The following UGT2A1 variants were observed in gnomAD, a reference collection of about 807,000 sequenced individuals.
UGT2A1 encodes UDP-glucuronosyltransferase 2A1.
Under a neutral mutation model 45.4 loss-of-function variants are expected in UGT2A1, and 61 were observed. That is an observed-to-expected ratio of 1.34 (90% CI 1.09 to 1.66). The LOEUF is 1.66. UGT2A1 is among the 40% of genes most tolerant of loss of function. The pLI is 0.00. For missense variants in UGT2A1, 649 were observed against 574.3 expected (o/e 1.13, Z -1.33); for synonymous variants, 229 against 196.2 (o/e 1.17, Z -1.40).
At chr4:69,626,947 A>G (rs1721093799) in intron 3 of UGT2A1, among the ~76,000 whole-genome samples, 1 of 151,794 alleles carries the variant, frequency 6.6e-6, no homozygotes, top group Non-Finnish European at 1.5e-5. Flanking sequence ...TAGATGGTTT[A>G]GACTCGACTT....
At chr4:69,601,093 G>A (rs1408143957) in intron 3 of UGT2A1, among the ~76,000 whole-genome samples, 2 of 152,156 alleles carry the variant, frequency 1.3e-5, no homozygotes, top group East Asian at 3.9e-4. Flanking sequence ...CTGCAAATGT[G>A]AGAACTGCCT....
rs749075207 is a variant in UGT2A1 at position 69,647,502 on chromosome 4, T to C, written c.143A>G (p.His48Arg). Residue 48 changes from histidine to arginine, a missense_variant, in exon 2 of 7, where the codon CAT becomes CGT. Transcript: ENST00000286604. ...IIIDELIKKE[H>R]NVTVLVASGA... ...AGAGGCAACTAGGACAGTCACATTA[T>C]GCTCCTTTTTAATGAGCTCATCTAT... is the stretch of plus-strand genomic sequence containing the variant. 43 of 1,613,074 alleles carry C rather than the reference T, an allele frequency of 2.7e-5. No individual in the cohort carries two copies. The highest frequency in any genetic ancestry group is 3.6e-5 in the Non-Finnish European group (42 of 1,179,348).
intron 3 of UGT2A1, among the ~76,000 whole-genome samples, chr4:69,621,664 G>A (rs1720766009): frequency 6.6e-6 from 1 of 151,766 alleles, no homozygotes; most frequent in Non-Finnish European, 1.5e-5. Flanking sequence ...TACACCGAAA[G>A]GAATATAAAT....
At chr4:69,645,822 T>C (rs891288878) in intron 2 of UGT2A1, among the ~76,000 whole-genome samples, 4 of 151,888 alleles carry the variant, frequency 2.6e-5, no homozygotes, top group African/African-American at 7.2e-5. Flanking sequence ...TCTTCCTCCA[T>C]GTCTCCCTAC....
chr4:69,635,456 G>A (rs574380906), intron 3 of UGT2A1, among the ~76,000 whole-genome samples: 46 of 152,258 alleles, frequency 3.0e-4, no homozygotes, highest in Non-Finnish European at 7.3e-5. Flanking sequence ...TTCTATTGCT[G>A]CAGCAAAGGC....
At position 69,616,963 on chromosome 4, in the gene UGT2A1, T is replaced by C. The variant is rs1720443740; in HGVS notation, c.848-17569A>G. ...TATCTGCATAAGTTTCTGCCCATGC[T>C]TTTTCCACTACTGTTTTGTAGTTAA... On this transcript the variant is annotated intron_variant, in intron 3 of 6. Coordinates refer to ENST00000286604, the MANE Select transcript of UGT2A1 (RefSeq NM_001252275.3). 2.6e-5 allele frequency among the ~76,000 whole-genome samples: 4 copies of C among 151,702 alleles called. No individual in the cohort carries two copies. The South Asian group carries it at 8.3e-4, about 31-fold the overall frequency.
chr4:69,643,948 G>A (rs945696091), intron 2 of UGT2A1, among the ~76,000 whole-genome samples: 2 of 151,498 alleles, frequency 1.3e-5, no homozygotes, highest in African/African-American at 4.8e-5. Flanking sequence ...ACAAAAATAA[G>A]TCACTCTGTC....
intron 3 of UGT2A1, among the ~76,000 whole-genome samples, chr4:69,630,074 A>AT (rs1161696628): frequency 6.6e-6 from 1 of 152,044 alleles, no homozygotes; most frequent in Non-Finnish European, 1.5e-5. Flanking sequence ...AAATTACACC[A>AT]TTATAGTGTA....
intron 3 of UGT2A1, among the ~76,000 whole-genome samples, chr4:69,600,448 A>G (rs1291472195): frequency 1.3e-5 from 2 of 152,286 alleles, no homozygotes; most frequent in East Asian, 3.9e-4. Flanking sequence ...GAGTGGGGAC[A>G]AACTCCCTTT....
intron 3 of UGT2A1, among the ~76,000 whole-genome samples, chr4:69,615,358 T>A (rs993519245): frequency 1.3e-5 from 2 of 151,858 alleles, no homozygotes; most frequent in African/African-American, 2.4e-5. Flanking sequence ...AAAGCAAAAA[T>A]GGACAGATGG....
rs1222199630 is a variant in UGT2A1, at chr4:69,605,911, T to G, written c.848-6517A>C. 1.5e-5 allele frequency among the ~76,000 whole-genome samples: 2 copies of G among 136,824 alleles called. 1 individual carries two copies. Among genetic ancestry groups the G allele is most frequent in the Non-Finnish European group, 3.1e-5 (2 of 64,316 alleles). 89.8% of individuals were successfully genotyped at this position (136,824 alleles called of 152,430 possible). ...CTCTGAATAGACCAATAACAGGCTC[T>G]GAAATTGAGGCAATAATTAATAGCT... On this transcript the variant is annotated intron_variant, in intron 3 of 6. Coordinates refer to ENST00000286604, the MANE Select transcript of UGT2A1 (RefSeq NM_001252275.3).
intron 3 of UGT2A1, among the ~76,000 whole-genome samples, chr4:69,610,100 A>G (rs1361611926): frequency 6.6e-6 from 1 of 152,160 alleles, no homozygotes; most frequent in Non-Finnish European, 1.5e-5. Flanking sequence ...CTGGCAGCAA[A>G]ACTTTACACT....
At chr4:69,595,458 T>A (rs1437793999) in intron 4 of UGT2A1, among the ~76,000 whole-genome samples, 6 of 152,254 alleles carry the variant, frequency 3.9e-5, no homozygotes, top group Admixed American at 3.9e-4. Context: ...TATAGTATTA[T>A]TGTTTTGATA....
intron 6 of UGT2A1, among the ~76,000 whole-genome samples, chr4:69,590,774 G>A (rs955134707): frequency 6.6e-6 from 1 of 152,054 alleles, no homozygotes; most frequent in South Asian, 2.1e-4. Flanking sequence ...AAAATAAGAA[G>A]AAGAAAGCAT....
chr4:69,605,221 C>T (rs1247072240), intron 3 of UGT2A1, among the ~76,000 whole-genome samples: 1 of 137,094 alleles, frequency 7.3e-6, no homozygotes, highest in Admixed American at 7.2e-5. Context: ...AACAAACTGT[C>T]TCTCAGACCA....
At chr4:69,598,205 T>C (rs1400963511) in intron 4 of UGT2A1, among the ~76,000 whole-genome samples, 2 of 152,180 alleles carry the variant, frequency 1.3e-5, no homozygotes, top group Non-Finnish European at 2.9e-5. Context: ...TTTAGAATCC[T>C]GAAATAAAAT....
chr4:69,625,058 G>T (rs997020931), intron 3 of UGT2A1, among the ~76,000 whole-genome samples: 2 of 151,018 alleles, frequency 1.3e-5, no homozygotes, highest in African/African-American at 2.4e-5. Flanking sequence ...TAAATTTGCT[G>T]GGAATATATG....
Position 69,589,573 on chromosome 4 carries a change from C to A in UGT2A1, c.1383G>T (p.Trp461Cys), listed in dbSNP as rs776556764. Residue 461 changes from tryptophan (W) to cysteine (C), a missense_variant, in exon 7 of 7, where the codon TGG becomes TGT. Coordinates refer to ENST00000286604, the MANE Select transcript of UGT2A1 (RefSeq NM_001252275.3). The part of the protein sequence containing the change: ...PVKPLDRAVF[W>C]IEFVMRHKGA... ...CTTTGTGGCGCATGACAAACTCGAT[C>A]CAGAAGACTGCTCGATCCAGGGGCT... 6.2e-7 allele frequency: 1 copy of A among 1,613,972 alleles called. No homozygotes were observed. Among genetic ancestry groups the A allele is most frequent in the Non-Finnish European group, 8.5e-7 (1 of 1,179,924 alleles).
Position 69,594,610 on chromosome 4 carries a change from C to A in UGT2A1, c.1171G>T (p.Val391Phe), listed in dbSNP as rs4148304. 2 of 1,613,994 alleles carry A rather than the reference C, an allele frequency of 1.2e-6. No individual in the cohort carries two copies. Among genetic ancestry groups the A allele is most frequent in the South Asian group, 2.2e-5 (2 of 91,078 alleles). The change falls in exon 6 of 7, where the codon GTT becomes TTT. Residue 391 changes from valine to phenylalanine, a missense_variant. By Grantham distance (50) the Val-to-Phe change is conservative. Transcript: ENST00000286604. ...AIYHGVPMVG[V>F]PMFADQPDNI... Reference sequence around the variant, plus strand: ...TCAGGCTGATCAGCAAACATGGGAACTCCCACCATAGGGACTCCGTGGTAA... The same window carrying A: ...TCAGGCTGATCAGCAAACATGGGAAATCCCACCATAGGGACTCCGTGGTAA...
Sources: gnomAD v4.1 joint callset for allele counts (sites outside exome capture counted in the v4.1 genomes callset) on GRCh38, gnomAD v4.1.1 for gene constraint, MANE v1.5 for transcripts, NCBI Gene and HGNC (gene_info 2026-07-23, HGNC 2026-07-21) for gene names.